USP49: variants seen among roughly 807,000 people sequenced by gnomAD.
USP49 encodes the protein ubiquitin specific peptidase 49.
USP49 carries 24 observed loss-of-function variants against 58.6 expected under a neutral mutation model. That is an observed-to-expected ratio of 0.41 (90% CI 0.30 to 0.58). The LOEUF is 0.58. Ranked by LOEUF, USP49 falls within the 20% of genes least tolerant of loss-of-function variation. The probability of loss-of-function intolerance (pLI) is 0.30; values close to 1 mark genes in which losing one functional copy is unlikely to be tolerated. For synonymous variants in USP49, 408 were observed against 365.1 expected (o/e 1.12, Z -1.34); for missense variants, 703 against 866.1 (o/e 0.81, Z 2.36).
intron 3 of USP49, among the ~76,000 whole-genome samples, chr6:41,848,853 CTA>C (rs1491483227): frequency 6.9e-6 from 1 of 145,720 alleles, no homozygotes; most frequent in Non-Finnish European, 1.5e-5. Context: ...GAGACACCGT[CTA>C]AAAAAAAAAA....
In USP49 at chr6:41,806,454, GCCT is replaced by G. The variant is rs751388283; in HGVS notation, c.527_529del (p.Glu176del). On this transcript the variant is annotated inframe_deletion, in exon 4 of 8. Transcript: ENST00000682992. The surrounding 1 kb of genome is among the most constrained non-coding windows in gnomAD (Gnocchi z 5.9). ...CGCCTCCTCCTTCTTGCGCTCCAGGGCCTCCTCCTGCCGCCGCTGCTCCAGCTT... is the reference window on the plus strand; with the variant it reads ...CGCCTCCTCCTTCTTGCGCTCCAGGGCCTCCTGCCGCCGCTGCTCCAGCTT... The G allele has an allele frequency of 5.0e-6, 8 of 1,592,682 alleles. No homozygotes were observed. Among genetic ancestry groups the G allele is most frequent in the Non-Finnish European group, 6.8e-6 (8 of 1,177,208 alleles).
chr6:41,855,441 G>A (rs996329329), intron 3 of USP49, among the ~76,000 whole-genome samples: 1 of 150,874 alleles, frequency 6.6e-6, no homozygotes, highest in African/African-American at 2.4e-5. Flanking sequence ...CTTGAACCCA[G>A]GAGGCAGAGG....
At chr6:41,820,438 G>C (rs1437665632) in intron 3 of USP49, among the ~76,000 whole-genome samples, 2 of 151,814 alleles carry the variant, frequency 1.3e-5, no homozygotes, top group Non-Finnish European at 2.9e-5. Flanking sequence ...ATGACACCAA[G>C]TAATTATTAA....
intron 3 of USP49, among the ~76,000 whole-genome samples, chr6:41,824,082 A>G (rs1773496416): frequency 6.6e-6 from 1 of 152,106 alleles, no homozygotes; most frequent in Admixed American, 6.5e-5. Flanking sequence ...TAATCAAAAT[A>G]CTGGCTGACT....
intron 3 of USP49, among the ~76,000 whole-genome samples, chr6:41,838,476 A>G (rs1278751481): frequency 5.3e-5 from 8 of 152,212 alleles, no homozygotes; most frequent in Admixed American, 5.2e-4. Flanking sequence ...GAACCAGCCC[A>G]GGGCCTGGTA....
chr6:41,842,609 C>A (rs1773846738), intron 3 of USP49, among the ~76,000 whole-genome samples: 1 of 151,806 alleles, frequency 6.6e-6, no homozygotes, highest in African/African-American at 2.4e-5. Flanking sequence ...GAGAGCCATG[C>A]CCTAAAAGAA....
intron 1 of USP49, among the ~76,000 whole-genome samples, chr6:41,892,771 G>C (rs899616446): frequency 2.0e-5 from 3 of 152,018 alleles, no homozygotes; most frequent in African/African-American, 7.3e-5. Flanking sequence ...AAGTATCTTT[G>C]TGCATCTGAG....
In USP49 at chr6:41,798,864, A is replaced by G. The variant is rs1400339577; in HGVS notation, c.1736T>C (p.Met579Thr). Reference sequence around the variant, plus strand: ...CATGTCCCTGCAGCAGTAAGGTTCCATGGTTAATACCTGGTCAAAGACGAC... The same window carrying G: ...CATGTCCCTGCAGCAGTAAGGTTCCGTGGTTAATACCTGGTCAAAGACGAC... Reference protein sequence around the residue: ...VHVVFDQVLTMEPYCCRDMLS... With the variant: ...VHVVFDQVLTTEPYCCRDMLS... The change falls in exon 7 of 8, where the codon ATG becomes ACG. Residue 579 changes from methionine (M) to threonine (T), a missense_variant. Coordinates refer to ENST00000682992, the MANE Select transcript of USP49 (RefSeq NM_001286554.2). The G allele has an allele frequency of 6.8e-6, 11 of 1,613,900 alleles. No homozygotes were observed. Among genetic ancestry groups the G allele is most frequent in the Non-Finnish European group, 9.3e-6 (11 of 1,179,982 alleles).
chr6:41,798,368 G>C (rs941435154), intron 7 of USP49: 24 of 271,666 alleles, frequency 8.8e-5, no homozygotes, highest in African/African-American at 2.2e-5. Flanking sequence ...CTGCCTCCCA[G>C]GTTCAAGCGA....
chr6:41,876,346 A>G (rs991778120), intron 2 of USP49, among the ~76,000 whole-genome samples: 2 of 152,228 alleles, frequency 1.3e-5, no homozygotes, highest in African/African-American at 4.8e-5. Context: ...AAAGTCTATA[A>G]GAATGACATA....
intron 7 of USP49, chr6:41,798,279 T>C (rs528615647): frequency 1.1e-5 from 2 of 176,366 alleles, no homozygotes; most frequent in Admixed American, 5.5e-5. Context: ...CATAATTCTT[T>C]TTATTTTTTT....
intron 3 of USP49, among the ~76,000 whole-genome samples, chr6:41,807,502 G>C (rs927442791): frequency 3.3e-5 from 5 of 152,072 alleles, no homozygotes; most frequent in African/African-American, 1.2e-4. Flanking sequence ...GTGCAGTGGC[G>C]GGATATCAGC....
At chr6:41,830,461 G>A (rs1469962469) in intron 3 of USP49, among the ~76,000 whole-genome samples, 1 of 152,110 alleles carries the variant, frequency 6.6e-6, no homozygotes, top group African/African-American at 2.4e-5. Context: ...TTATACTTTT[G>A]AAAATAAATA....
rs189733524 is a variant in USP49, at chr6:41,892,053, T to A, written c.-184-178A>T. Among the ~76,000 whole-genome samples, 4 of 152,338 alleles carry A rather than the reference T, an allele frequency of 2.6e-5. No homozygotes were observed. The East Asian group carries it at 7.7e-4, about 29-fold the overall frequency. The stretch of plus-strand genomic sequence containing the variant: ...AATTTATCATTGGAGTCCTTATTGA[T>A]AAATAGTATTATCTCAATTTTTAAA... On this transcript the variant is annotated intron_variant, in intron 1 of 7. Coordinates refer to ENST00000682992, the MANE Select transcript of USP49 (RefSeq NM_001286554.2).
chr6:41,801,127 A>C (rs1020910943), intron 5 of USP49, among the ~76,000 whole-genome samples: 2 of 152,380 alleles, frequency 1.3e-5, no homozygotes, highest in East Asian at 3.9e-4. Context: ...ATTTCAGCAA[A>C]TAAATAATGG....
At chr6:41,883,673 A>C (rs1220796392) in intron 2 of USP49, among the ~76,000 whole-genome samples, 11 of 152,178 alleles carry the variant, frequency 7.2e-5, no homozygotes, top group Admixed American at 7.2e-4. Context: ...ATGAGACATT[A>C]CTAAAAGGCC....
chr6:41,794,686 A>G lies in USP49; in HGVS notation c.*1847T>C, dbSNP rs1772857312. 1 of 152,370 alleles carries G rather than the reference A, an allele frequency of 6.6e-6. No homozygotes were observed. The highest frequency in any genetic ancestry group is 2.4e-5 in the African/African-American group (1 of 41,596). 9.4% of individuals were successfully genotyped at this position (152,370 alleles called of 1,614,324 possible). Reference sequence around the variant, plus strand: ...GCGGTGACACTTTAAAACAGTGTCCAGGAGAGGGTGAGCCCAGGCAAAGCT... The same window carrying G: ...GCGGTGACACTTTAAAACAGTGTCCGGGAGAGGGTGAGCCCAGGCAAAGCT... On this transcript the variant is annotated 3_prime_UTR_variant, in exon 8 of 8. Coordinates refer to ENST00000682992, the MANE Select transcript of USP49 (RefSeq NM_001286554.2).
intron 3 of USP49, among the ~76,000 whole-genome samples, chr6:41,816,904 C>T (rs1226390661): frequency 6.6e-6 from 1 of 151,410 alleles, no homozygotes; most frequent in Non-Finnish European, 1.5e-5. Context: ...TGGGGTTTTG[C>T]CATGTTGCCC....
intron 3 of USP49, among the ~76,000 whole-genome samples, chr6:41,853,735 G>T (rs1271620633): frequency 6.6e-6 from 1 of 152,058 alleles, no homozygotes; most frequent in African/African-American, 2.4e-5. Context: ...AGTGGCTCAC[G>T]CCTGTAATCC....
Sources: gnomAD v4.1 joint callset for allele counts (sites outside exome capture counted in the v4.1 genomes callset) on GRCh38, gnomAD v4.1.1 for gene constraint, Gnocchi (gnomAD v3.1) non-coding constraint, MANE v1.5 for transcripts, NCBI Gene and HGNC (gene_info 2026-07-23, HGNC 2026-07-21) for gene names.